The following ASTN2 variants were observed in gnomAD, a reference collection of about 807,000 sequenced individuals.
ASTN2 encodes astrotactin-2.
Under a neutral mutation model 139.8 loss-of-function variants are expected in ASTN2, and 54 were observed. The ratio of observed to expected loss-of-function variants is 0.39; its 90% CI spans 0.31 to 0.48. ASTN2 has a LOEUF of 0.48. Ranked by LOEUF, ASTN2 falls within the 20% of genes least tolerant of loss-of-function variation. The probability of loss-of-function intolerance (pLI) is 0.95; values close to 1 mark genes in which losing one functional copy is unlikely to be tolerated. For synonymous variants in ASTN2, 756 were observed against 719.5 expected (o/e 1.05, Z -0.81); for missense variants, 1,565 against 1,725.1 (o/e 0.91, Z 1.64).
intron 10 of ASTN2, among the ~76,000 whole-genome samples, chr9:116,898,315 G>A (rs1209061457): frequency 6.6e-6 from 1 of 151,844 alleles, no homozygotes; most frequent in African/African-American, 2.4e-5. Flanking sequence ...TGGCTAAGAT[G>A]GGAGGATCAC....
intron 1 of ASTN2, among the ~76,000 whole-genome samples, chr9:117,297,029 T>C (rs1256951585): frequency 6.6e-6 from 1 of 152,238 alleles, no homozygotes; most frequent in Non-Finnish European, 1.5e-5. Flanking sequence ...AATCGGCTTG[T>C]TCTTCCTAAT....
At chr9:117,000,621 T>C (rs567657728) in intron 7 of ASTN2, among the ~76,000 whole-genome samples, 1 of 152,312 alleles carries the variant, frequency 6.6e-6, no homozygotes, top group South Asian at 2.1e-4. Flanking sequence ...CCTTGGATGT[T>C]CACTTTCTGT....
intron 4 of ASTN2, among the ~76,000 whole-genome samples, chr9:117,115,501 C>T (rs964801288): frequency 2.0e-5 from 3 of 151,962 alleles, no homozygotes; most frequent in African/African-American, 7.3e-5. Flanking sequence ...CCAGCCTGGG[C>T]GACAGAGTGA....
chr9:116,638,798 AC>A (rs371897434), intron 17 of ASTN2, among the ~76,000 whole-genome samples: 894 of 38,128 alleles, frequency 0.023, 10 homozygotes, highest in African/African-American at 0.047. Context: ...ATTTGAAAAA[AC>A]AAACAAGTAC....
intron 3 of ASTN2, among the ~76,000 whole-genome samples, chr9:117,172,982 A>C (rs1346931511): frequency 1.3e-5 from 2 of 152,132 alleles, no homozygotes; most frequent in Non-Finnish European, 2.9e-5. Flanking sequence ...CCTATGCTCT[A>C]GATTTGACTC....
chr9:116,459,283 T>G (rs1435917312), intron 20 of ASTN2, among the ~76,000 whole-genome samples: 1 of 152,086 alleles, frequency 6.6e-6, no homozygotes, highest in African/African-American at 2.4e-5. Context: ...AAGACCTAAA[T>G]GTAAAGGCTA....
At chr9:116,571,198 T>TG (rs1263174365) in intron 19 of ASTN2, among the ~76,000 whole-genome samples, 46 of 152,272 alleles carry the variant, frequency 3.0e-4, no homozygotes, top group African/African-American at 9.1e-4. Flanking sequence ...TTCCTCTCCC[T>TG]GGGGCACCAT....
chr9:116,911,159 C>T (rs1011652167), intron 10 of ASTN2, among the ~76,000 whole-genome samples: 1 of 152,142 alleles, frequency 6.6e-6, no homozygotes. Flanking sequence ...GAGTAAGATC[C>T]ATCCCACGAA....
chr9:116,803,297 C>T (rs937458130), intron 13 of ASTN2, among the ~76,000 whole-genome samples: 3 of 144,634 alleles, frequency 2.1e-5, no homozygotes, highest in African/African-American at 5.1e-5. Flanking sequence ...TTTCCCAGAG[C>T]TTTTCCTGAT....
At chr9:116,555,380 C>T (rs1270318297) in intron 19 of ASTN2, among the ~76,000 whole-genome samples, 1 of 152,154 alleles carries the variant, frequency 6.6e-6, no homozygotes, top group Non-Finnish European at 1.5e-5. Context: ...GCTAGGGGCC[C>T]GGATTCAGGC....
At chr9:116,494,025 G>A (rs1409864333) in intron 19 of ASTN2, among the ~76,000 whole-genome samples, 1 of 152,158 alleles carries the variant, frequency 6.6e-6, no homozygotes, top group Non-Finnish European at 1.5e-5. Flanking sequence ...ATGAGAACTT[G>A]TCAGGGACAA....
rs907967418 is a variant in ASTN2 at position 117,252,430 on chromosome 9, G to A, written c.631-37688C>T. Among the ~76,000 whole-genome samples, 4 of 152,148 alleles carry A rather than the reference G, an allele frequency of 2.6e-5. No individual in the cohort carries two copies. The South Asian group carries it at 8.3e-4, about 32-fold the overall frequency. On this transcript the variant is annotated intron_variant, in intron 2 of 22. Coordinates refer to ENST00000313400, the MANE Select transcript of ASTN2 (RefSeq NM_001365068.1). ...ATTTAATCAACCAGTCCACCAGGGG[G>A]TCTTCAGCTAATACTTGCTGATATT...
chr9:116,443,924 G>C (rs73520370), intron 20 of ASTN2, among the ~76,000 whole-genome samples: 3 of 152,056 alleles, frequency 2.0e-5, no homozygotes, highest in African/African-American at 7.2e-5. Context: ...TGATTAGCAA[G>C]TTTCAGAATG....
intron 22 of ASTN2, among the ~76,000 whole-genome samples, chr9:116,430,848 C>G (rs1416854067): frequency 1.3e-5 from 2 of 152,116 alleles, no homozygotes; most frequent in African/African-American, 4.8e-5. Context: ...TGAGAGAGAC[C>G]AAAGGCAAAA....
intron 13 of ASTN2, among the ~76,000 whole-genome samples, chr9:116,758,994 A>C (rs1056371062): frequency 6.6e-6 from 1 of 152,120 alleles, no homozygotes; most frequent in Admixed American, 6.5e-5. Context: ...TCTGGGCCCA[A>C]GCATTCCTCC....
intron 19 of ASTN2, among the ~76,000 whole-genome samples, chr9:116,510,044 C>G (rs1421863055): frequency 6.6e-6 from 1 of 152,134 alleles, no homozygotes; most frequent in Non-Finnish European, 1.5e-5. Flanking sequence ...GCTTTTGTTG[C>G]CATTGCTTTT....
intron 1 of ASTN2, among the ~76,000 whole-genome samples, chr9:117,359,956 G>A (rs955055903): frequency 1.3e-5 from 2 of 152,134 alleles, no homozygotes. Context: ...GGTGAACATC[G>A]GCTTTTCTCA....
At chr9:117,216,759 T>G (rs1341208173) in intron 2 of ASTN2, among the ~76,000 whole-genome samples, 3 of 149,980 alleles carry the variant, frequency 2.0e-5, no homozygotes, top group Admixed American at 6.7e-5. Context: ...AGGGAGGGAG[T>G]GAGGAAGAGT....
At chr9:116,932,793 G>C (rs1183427390) in intron 10 of ASTN2, among the ~76,000 whole-genome samples, 1 of 151,948 alleles carries the variant, frequency 6.6e-6, no homozygotes, top group Non-Finnish European at 1.5e-5. Context: ...ATCACTTGAG[G>C]TAAGGAGTTC....
Sources: allele counts gnomAD v4.1 joint callset (sites outside exome capture counted in the v4.1 genomes callset), GRCh38; gene constraint gnomAD v4.1.1; transcripts MANE v1.5; gene names NCBI Gene and HGNC (gene_info 2026-07-23, HGNC 2026-07-21).